The following SMC4 variants were observed in gnomAD, a reference collection of about 807,000 sequenced individuals.
SMC4 encodes structural maintenance of chromosomes 4, also known as structural maintenance of chromosomes protein 4.
SMC4 carries 87 observed loss-of-function variants against 145.6 expected under a neutral mutation model. That is an observed-to-expected ratio of 0.60 (90% CI 0.50 to 0.71). The LOEUF (loss-of-function observed/expected upper bound fraction) is 0.71. Ranked by LOEUF, SMC4 falls within the 30% of genes least tolerant of loss-of-function variation. The probability of loss-of-function intolerance (pLI) is 0.00; values close to 1 mark genes in which losing one functional copy is unlikely to be tolerated. For synonymous variants in SMC4, 558 were observed against 500.7 expected, an observed-to-expected ratio of 1.11 and a Z score of -1.53; for missense variants, 1,447 against 1,537.1, an observed-to-expected ratio of 0.94 and a Z score of 0.98.
At position 160,413,516 on chromosome 3, in the gene SMC4, G is replaced by T; in HGVS notation, c.1024G>T (p.Glu342Ter). Residue 342 changes from glutamate (E) to a stop codon, truncating the protein, a stop_gained, in exon 8 of 24, where the codon GAA becomes TAA. Coordinates refer to ENST00000357388, the MANE Select transcript of SMC4 (RefSeq NM_001002800.3). LOFTEE classifies it high-confidence loss of function. ...KRIAEMETQK[E>*]KIHEDTKEIN... ...AATTGCTGAAATGGAAACTCAAAAG[G>T]AAAAAATTCATGAAGATACCAAAGA... The T allele has an allele frequency of 1.3e-6, 2 of 1,585,488 alleles. No individual in the cohort carries two copies. The highest frequency in any genetic ancestry group is 1.7e-6 in the Non-Finnish European group (2 of 1,171,116).
At chr3:160,427,236 CAT>C (rs1717888591) in intron 17 of SMC4, among the ~76,000 whole-genome samples, 1 of 152,168 alleles carries the variant, frequency 6.6e-6, no homozygotes, top group Admixed American at 6.5e-5. Flanking sequence ...AGGGAGCACA[CAT>C]GTAAGATGGC....
chr3:160,413,464 T>C lies in SMC4; in HGVS notation c.981-9T>C. On this transcript the variant is annotated splice_polypyrimidine_tract_variant and intron_variant, in intron 7 of 23. Transcript: ENST00000357388. ...CTTCAATTTCTTTTTTTTTTTTTCC[T>C]CCCTATAGTTATGAGTTGCAGAAAC... 1.3e-6 allele frequency: 2 copies of C among 1,564,790 alleles called. No individual in the cohort carries two copies. Among genetic ancestry groups the C allele is most frequent in the South Asian group, 1.2e-5 (1 of 83,368 alleles).
In SMC4 at chr3:160,416,995, T is replaced by C. The variant is rs138235523; in HGVS notation, c.1437+580T>C. ...TAAATGTTAGCTATAATTTTAGCAT[T>C]ATATTAATAAAACGAGAGCATGAAG... On this transcript the variant is annotated intron_variant, in intron 10 of 23. Transcript: ENST00000357388. Among the ~76,000 whole-genome samples the C allele has an allele frequency of 7.7e-3, 1,177 of 152,308 alleles. 11 individuals carry two copies. The highest frequency in any genetic ancestry group is 9.4e-3 in the Non-Finnish European group (637 of 67,998).
rs187899443 is a variant in SMC4, at chr3:160,417,987, C to T, written c.1671+31C>T. 6,370 of 1,539,904 alleles carry T rather than the reference C, an allele frequency of 4.1e-3. 25 individuals are homozygous for T. Among genetic ancestry groups the T allele is most frequent in the Non-Finnish European group, 5.0e-3 (5,554 of 1,121,546 alleles). ...TCTTTGCTTCTCTGTTGCATCAGAA[C>T]ATCATTCGTCCACTTCAGCTTTATA... On this transcript the variant is annotated intron_variant, in intron 11 of 23. Transcript: ENST00000357388.
intron 5 of SMC4, among the ~76,000 whole-genome samples, chr3:160,409,353 A>G (rs202236036): frequency 5.9e-5 from 2 of 33,834 alleles, no homozygotes; most frequent in Non-Finnish European, 1.4e-4. Flanking sequence ...TCCTGCCTTT[A>G]AAAAAAAAAA....
chr3:160,412,337 A>G lies in SMC4; in HGVS notation c.864A>G (p.Val288=). 6.3e-7 allele frequency: 1 copy of G among 1,596,010 alleles called. No homozygotes were observed. Among genetic ancestry groups the G allele is most frequent in the East Asian group, 2.2e-5 (1 of 44,662 alleles). The change falls in exon 7 of 24, where the codon GTA becomes GTG. Residue 288 remains valine (V), a synonymous_variant. Transcript: ENST00000357388. ...TTTAATTTCTGTAGTTAAACAGGGT[A>G]AAGATGGTGGAAAAGGAAAAGGATG... ...NEHRGEKLNR[V]KMVEKEKDAL...
rs1250382677 is a variant in SMC4 at position 160,419,365 on chromosome 3, AAG to A, written c.1681_1682del (p.Glu561ThrfsTer12). 1.9e-6 allele frequency: 3 copies of A among 1,583,760 alleles called. No individual in the cohort carries two copies. Among genetic ancestry groups the A allele is most frequent in the South Asian group, 1.2e-5 (1 of 85,278 alleles). On this transcript the variant is annotated frameshift_variant, in exon 12 of 24. Coordinates refer to ENST00000357388, the MANE Select transcript of SMC4 (RefSeq NM_001002800.3). LOFTEE classifies it high-confidence loss of function. ...TTTTATTTTCACTTTTAGAAAGAAA[AAG>A]AACTTCAAAAACTTACACAAGAAGA... is the stretch of plus-strand genomic sequence containing the variant.
intron 22 of SMC4, 74 bp downstream of exon 22, chr3:160,432,589 G>A: frequency 1.0e-6 from 1 of 990,130 alleles, no homozygotes; most frequent in Non-Finnish European, 1.5e-6. Flanking sequence ...GTATTTCTTG[G>A]AGGTAGGATG....
At chr3:160,399,798 C>T (rs1004685170) in intron 1 of SMC4, 49 bp downstream of exon 1, 1 of 152,398 alleles carries the variant, frequency 6.6e-6, no homozygotes, top group African/African-American at 2.4e-5. Flanking sequence ...TACTTCCTGC[C>T]TTGTCCGCGA....
At chr3:160,423,692 C>T in intron 14 of SMC4, 42 bp downstream of exon 14, 1 of 1,595,464 alleles carries the variant, frequency 6.3e-7, no homozygotes, top group South Asian at 1.1e-5. Flanking sequence ...TTTTTCCCCC[C>T]ACAGCATTGA....
rs1306177426 is a variant in SMC4, at chr3:160,411,905, A to C, written c.688-15A>C. ...AACATACACAGTGAGTATGAAATAT[A>C]ACTTTTTTTTAAAGGGTGAAGTTGA... is the stretch of plus-strand genomic sequence containing the variant. On this transcript the variant is annotated splice_polypyrimidine_tract_variant and intron_variant, in intron 5 of 23. Transcript: ENST00000357388. 6.2e-7 allele frequency: 1 copy of C among 1,609,150 alleles called. No individual in the cohort carries two copies. The highest frequency in any genetic ancestry group is 8.5e-7 in the Non-Finnish European group (1 of 1,177,542).
Position 160,402,679 on chromosome 3 carries a change from T to G in SMC4, c.322T>G (p.Phe108Val). 1 of 1,605,146 alleles carries G rather than the reference T, an allele frequency of 6.2e-7. No individual in the cohort carries two copies. Among genetic ancestry groups the G allele is most frequent in the Non-Finnish European group, 8.5e-7 (1 of 1,177,922 alleles). Reference sequence around the variant, plus strand: ...TGTTTTTGTTTTTTTAATGCAGCGCTTTTCCTGTATTATCGGGCCAAATGG... The same window carrying G: ...TGTTTTTGTTTTTTTAATGCAGCGCGTTTCCTGTATTATCGGGCCAAATGG... The part of the protein sequence containing the change: ...EKILGPFHKR[F>V]SCIIGPNGSG... Residue 108 changes from phenylalanine (F) to valine (V), a missense_variant, in exon 4 of 24, where the codon TTT becomes GTT. Physicochemically the swap from Phe to Val is conservative, Grantham distance 50 (BLOSUM62 -1). Coordinates refer to ENST00000357388, the MANE Select transcript of SMC4 (RefSeq NM_001002800.3).
Position 160,416,282 on chromosome 3 carries a change from G to A in SMC4, c.1304G>A (p.Ser435Asn). 3 of 1,596,906 alleles carry A rather than the reference G, an allele frequency of 1.9e-6. No homozygotes were observed. Among genetic ancestry groups the A allele is most frequent in the Non-Finnish European group, 2.6e-6 (3 of 1,173,732 alleles). Residue 435 changes from serine (S) to asparagine (N), a missense_variant, in exon 10 of 24, where the codon AGT (serine) becomes AAT (asparagine). Physicochemically the swap from Ser to Asn is conservative, Grantham distance 46. Transcript: ENST00000357388. Reference sequence around the variant, plus strand: ...GAATTTAAAAGTATACCTGCCAAGAGTAACAATATCATTAATGAAACAACA... The same window carrying A: ...GAATTTAAAAGTATACCTGCCAAGAATAACAATATCATTAATGAAACAACA... ...VEEFKSIPAK[S>N]NNIINETTTR... is the part of the protein sequence containing the mutation.
At chr3:160,407,586 T>A (rs954156166) in intron 5 of SMC4, among the ~76,000 whole-genome samples, 4 of 151,762 alleles carry the variant, frequency 2.6e-5, no homozygotes, top group African/African-American at 4.8e-5. Flanking sequence ...TTTTTTTTTT[T>A]AATTATTTTG....
Position 160,428,768 on chromosome 3 carries a change from C to A in SMC4, c.2621C>A (p.Ala874Asp). ...TTAATTTCAGAATATGATGCTGTGG[C>A]TGAGAAAGCTGGTAAAGTAGAAGCT... ...SAFKTEYDAV[A>D]EKAGKVEAEV... is the part of the protein sequence containing the mutation. Residue 874 changes from alanine to aspartate, a missense_variant, in exon 18 of 24, where the codon GCT becomes GAT. Coordinates refer to ENST00000357388, the MANE Select transcript of SMC4 (RefSeq NM_001002800.3). The A allele has an allele frequency of 6.3e-7, 1 of 1,584,276 alleles. No individual in the cohort carries two copies.
In SMC4 at chr3:160,417,930, C is replaced by T. The variant is rs1390668324; in HGVS notation, c.1645C>T (p.Pro549Ser). ...AATCAGAGATATAGAAGGAAAACTC[C>T]CTCAAACTGAACAAGAATTAAAGGA... The part of the protein sequence containing the change: ...AAIRDIEGKL[P>S]QTEQELKEKE... Residue 549 changes from proline to serine, a missense_variant, in exon 11 of 24, where the codon CCT becomes TCT. Transcript: ENST00000357388. The T allele has an allele frequency of 6.2e-7, 1 of 1,611,890 alleles. No individual in the cohort carries two copies. Among genetic ancestry groups the T allele is most frequent in the African/African-American group, 1.3e-5 (1 of 74,740 alleles).
chr3:160,411,102 T>C (rs1489348308), intron 5 of SMC4, among the ~76,000 whole-genome samples: 3 of 152,164 alleles, frequency 2.0e-5, no homozygotes, highest in African/African-American at 7.2e-5. Flanking sequence ...TGGTTACTTA[T>C]TATGGATTTT....
At chr3:160,411,495 G>A (rs1417633854) in intron 5 of SMC4, among the ~76,000 whole-genome samples, 1 of 152,066 alleles carries the variant, frequency 6.6e-6, no homozygotes, top group Non-Finnish European at 1.5e-5. Context: ...AAAATTCTTT[G>A]TTTTAGAACA....
chr3:160,432,372 A>T lies in SMC4; in HGVS notation c.3387A>T (p.Lys1129Asn). Residue 1129 changes from lysine (K) to asparagine (N), a missense_variant, in exon 22 of 24, where the codon AAA becomes AAT. Physicochemically the swap from Lys to Asn is moderately conservative, Grantham distance 94 (BLOSUM62 0). Coordinates refer to ENST00000357388, the MANE Select transcript of SMC4 (RefSeq NM_001002800.3). ...GACAGGCATATGAAGATCTTCGGAA[A>T]CAAAGGCTTAATGAATTTATGGCAG... Reference protein sequence around the residue: ...SFRQAYEDLRKQRLNEFMAGF... With the variant: ...SFRQAYEDLRNQRLNEFMAGF... 6.2e-7 allele frequency: 1 copy of T among 1,613,978 alleles called. No homozygotes were observed. Among genetic ancestry groups the T allele is most frequent in the Non-Finnish European group, 8.5e-7 (1 of 1,179,878 alleles).
Sources: gnomAD v4.1 joint callset for allele counts (sites outside exome capture counted in the v4.1 genomes callset) on GRCh38, gnomAD v4.1.1 for gene constraint, MANE v1.5 for transcripts, NCBI Gene and HGNC (gene_info 2026-07-23, HGNC 2026-07-21) for gene names.